The following DMD variants were observed in gnomAD, a reference collection of about 807,000 sequenced individuals.
DMD encodes dystrophin, also known as mutant dystrophin.
In DMD, 63 loss-of-function variants were observed where a neutral mutation model predicts 330.1. The observed-to-expected ratio is 0.19, with a 90% CI of 0.16 to 0.24. The LOEUF is 0.24. DMD is among the 10% of genes least tolerant of loss of function. The pLI is 1.00. For synonymous variants in DMD, 1,223 were observed against 959.8 expected (o/e 1.27, Z -5.07); for missense variants, 3,344 against 2,684.1 (o/e 1.25, Z -5.43).
At chrX:31,255,645 CAG>C (rs1352207479) in intron 63 of DMD, among the ~76,000 whole-genome samples, 1 of 110,822 alleles carries the variant, frequency 9.0e-6, no homozygotes, top group African/African-American at 3.3e-5. Flanking sequence ...CACTTGTCTG[CAG>C]AGTTAGCCGA....
chrX:32,071,564 C>T (rs1283132572), intron 44 of DMD, among the ~76,000 whole-genome samples: 1 of 104,942 alleles, frequency 9.5e-6, no homozygotes, highest in South Asian at 4.6e-4. Flanking sequence ...TGCTAAATGA[C>T]GAGTTAATGG....
intron 43 of DMD, among the ~76,000 whole-genome samples, chrX:32,273,423 AAAAT>A (rs1422824311): frequency 1.8e-5 from 2 of 111,202 alleles, no homozygotes; most frequent in Admixed American, 9.6e-5. Flanking sequence ...CACTCAAAAA[AAAAT>A]AAATAAGTAA....
chrX:31,204,063 G>A lies in DMD; in HGVS notation c.9705C>T (p.Gly3235=), dbSNP rs1556235441. 1 of 1,210,569 alleles carries A rather than the reference G, an allele frequency of 8.3e-7. No individual in the cohort carries two copies. Among genetic ancestry groups the A allele is most frequent in the Non-Finnish European group, 1.1e-6 (1 of 894,504 alleles). The change falls in exon 67 of 79, where the codon GGC becomes GGT. Residue 3235 remains glycine, a synonymous_variant. Coordinates refer to ENST00000357033, the MANE Select transcript of DMD (RefSeq NM_004006.3). ...TTTGGATAGAATCATGCAGAAGGAGGCCCAGCCTGCGCTGGTCACAAAATC... is the reference window on the plus strand; with the variant it reads ...TTTGGATAGAATCATGCAGAAGGAGACCCAGCCTGCGCTGGTCACAAAATC... ...STGFCDQRRL[G]LLLHDSIQIP...
At chrX:33,319,694 T>G (rs1343697700) in intron 1 of DMD, among the ~76,000 whole-genome samples, 1 of 112,102 alleles carries the variant, frequency 8.9e-6, no homozygotes, top group Middle Eastern at 4.3e-3. Context: ...AATGCAAATA[T>G]AAGAAAATGG....
intron 2 of DMD, among the ~76,000 whole-genome samples, chrX:32,993,120 G>A (rs760065957): frequency 1.8e-5 from 2 of 110,848 alleles, no homozygotes; most frequent in African/African-American, 6.6e-5. Flanking sequence ...AAGAATTTTT[G>A]GACTGACACA....
At chrX:32,331,441 A>G (rs1190664096) in intron 41 of DMD, among the ~76,000 whole-genome samples, 1 of 111,969 alleles carries the variant, frequency 8.9e-6, no homozygotes, top group Non-Finnish European at 1.9e-5. Flanking sequence ...GCACATATCA[A>G]TAATTCATCA....
At chrX:32,686,350 G>A (rs778324553) in intron 9 of DMD, among the ~76,000 whole-genome samples, 2 of 110,350 alleles carry the variant, frequency 1.8e-5, no homozygotes, top group African/African-American at 3.3e-5. Flanking sequence ...CTGAGGTCAA[G>A]AGTTCGAGAC....
At chrX:31,722,318 A>G (rs2085632074) in intron 52 of DMD, among the ~76,000 whole-genome samples, 1 of 109,614 alleles carries the variant, frequency 9.1e-6, no homozygotes, top group South Asian at 4.0e-4. Context: ...ATGGGGCTTC[A>G]CCATGTTAGC....
chrX:31,697,324 T>C (rs1382346397), intron 52 of DMD, among the ~76,000 whole-genome samples: 1 of 111,786 alleles, frequency 8.9e-6, no homozygotes, highest in Non-Finnish European at 1.9e-5. Context: ...ACCCAGACAA[T>C]CTGTGCATGT....
At chrX:33,157,563 G>A (rs887972649) in intron 1 of DMD, among the ~76,000 whole-genome samples, 3 of 112,310 alleles carry the variant, frequency 2.7e-5, no homozygotes, top group Non-Finnish European at 3.8e-5. Context: ...ACTGACTGCT[G>A]TCAATCTCTC....
intron 48 of DMD, among the ~76,000 whole-genome samples, chrX:31,840,085 T>C (rs1036836850): frequency 1.8e-5 from 2 of 111,510 alleles, no homozygotes; most frequent in African/African-American, 6.5e-5. Flanking sequence ...CTCCTCATAT[T>C]CCCTTAAATT....
chrX:32,570,350 G>C (rs1283675771), intron 15 of DMD, among the ~76,000 whole-genome samples: 2 of 111,872 alleles, frequency 1.8e-5, no homozygotes, highest in East Asian at 5.6e-4. Flanking sequence ...GTCAGGTTTT[G>C]TTAATTGGCT....
chrX:32,070,836 C>T (rs773888281), intron 44 of DMD, among the ~76,000 whole-genome samples: 27 of 110,386 alleles, frequency 2.4e-4, no homozygotes, highest in African/African-American at 8.6e-4. Context: ...AAAGGGGTGC[C>T]GAGGGACAAA....
intron 1 of DMD, among the ~76,000 whole-genome samples, chrX:33,066,149 T>C (rs1204482181): frequency 3.7e-5 from 4 of 108,830 alleles, no homozygotes; most frequent in Non-Finnish European, 7.6e-5. Context: ...TGGAATAATG[T>C]CTAGGAAACG....
At chrX:32,449,131 A>G (rs1439955797) in intron 26 of DMD, among the ~76,000 whole-genome samples, 1 of 111,151 alleles carries the variant, frequency 9.0e-6, no homozygotes, top group South Asian at 3.7e-4. Flanking sequence ...TTTTGATAAA[A>G]GAAAGTTTCG....
intron 29 of DMD, among the ~76,000 whole-genome samples, chrX:32,422,154 A>T (rs2098192640): frequency 9.0e-6 from 1 of 111,357 alleles, no homozygotes; most frequent in Non-Finnish European, 1.9e-5. Context: ...GGCAAGAATA[A>T]ATTACTGGTC....
chrX:33,302,157 C>A (rs2053674814), intron 1 of DMD, among the ~76,000 whole-genome samples: 1 of 110,793 alleles, frequency 9.0e-6, no homozygotes, highest in African/African-American at 3.3e-5. Context: ...TTTATCTGAC[C>A]CTTATTTTTC....
At chrX:31,290,406 A>G (rs1259530959) in intron 62 of DMD, among the ~76,000 whole-genome samples, 13 of 111,489 alleles carry the variant, frequency 1.2e-4, no homozygotes, top group Non-Finnish European at 5.7e-5. Context: ...AATAACAAAT[A>G]TAATTGTCAC....
intron 17 of DMD, 65 bp from the exon 18 acceptor site, chrX:32,518,196 C>A (rs770431229): frequency 1.9e-6 from 2 of 1,050,869 alleles, no homozygotes; most frequent in East Asian, 6.4e-5. Context: ...TTAAAAAAAG[C>A]AATTTATCCA....
Sources: allele counts gnomAD v4.1 joint callset (sites outside exome capture counted in the v4.1 genomes callset), GRCh38; gene constraint gnomAD v4.1.1; transcripts MANE v1.5; gene names NCBI Gene and HGNC (gene_info 2026-07-23, HGNC 2026-07-21).